MSH3: variants seen among roughly 807,000 people sequenced by gnomAD.
The protein encoded by MSH3 is DNA mismatch repair protein Msh3.
A neutral mutation model predicts 123.3 loss-of-function variants in MSH3; 106 were observed. The ratio of observed to expected loss-of-function variants is 0.86; its 90% CI spans 0.73 to 1.01. The LOEUF (loss-of-function observed/expected upper bound fraction) is 1.01. Ranked by LOEUF, MSH3 falls within the 50% of genes least tolerant of loss-of-function variation. The pLI, the probability that MSH3 is intolerant of heterozygous loss-of-function variation, is 0.00. For synonymous variants in MSH3, 515 were observed against 481.4 expected, an observed-to-expected ratio of 1.07 and a Z score of -0.91; for missense variants, 1,459 against 1,347.6, an observed-to-expected ratio of 1.08 and a Z score of -1.29.
chr5:80,810,992 G>A (rs1199539120), intron 19 of MSH3, among the ~76,000 whole-genome samples: 1 of 151,850 alleles, frequency 6.6e-6, no homozygotes, highest in Non-Finnish European at 1.5e-5. Context: ...TTGGATTTCA[G>A]AGCATTTTAG....
rs117296143 is a variant in MSH3, at chr5:80,823,208, T to G, written c.2813+9467T>G. 6.6e-5 allele frequency among the ~76,000 whole-genome samples: 10 copies of G among 152,332 alleles called. No homozygotes were observed. In the East Asian group the frequency reaches 1.9e-3, roughly 29 times the overall value. On this transcript the variant is annotated intron_variant, in intron 20 of 23. Transcript: ENST00000265081. ...TACCATGGGGGATATGGCTTTATGG[T>G]CATTTTTCTTTTACTTATGTAAATT...
At chr5:80,685,479 T>C (rs529783400) in intron 8 of MSH3, among the ~76,000 whole-genome samples, 1 of 152,220 alleles carries the variant, frequency 6.6e-6, no homozygotes, top group South Asian at 2.1e-4. Flanking sequence ...TAACCACTAA[T>C]GATCCTTTGA....
At chr5:80,804,840 T>A (rs1744860312) in intron 19 of MSH3, among the ~76,000 whole-genome samples, 1 of 151,976 alleles carries the variant, frequency 6.6e-6, no homozygotes, top group East Asian at 1.9e-4. Flanking sequence ...AAATCCAGCC[T>A]GAAGGGCTAT....
rs1031903758 is a variant in MSH3, at chr5:80,861,318, C to G, written c.3001-3495C>G. ...CTGGTAAGGGTCTAGGGGAGGAGTC[C>G]TATGATTAAGTCTCAGTCTTACCTC... On this transcript the variant is annotated intron_variant, in intron 21 of 23. Transcript: ENST00000265081. Among the ~76,000 whole-genome samples the G allele has an allele frequency of 2.6e-5, 4 of 152,184 alleles. No individual in the cohort carries two copies. In the South Asian group the frequency reaches 8.3e-4, roughly 32 times the overall value.
chr5:80,655,096 A>T, intron 1 of MSH3, 132 bp downstream of exon 1: 2 of 567,478 alleles, frequency 3.5e-6, no homozygotes, highest in South Asian at 5.2e-5. Context: ...GAAGAAGGGG[A>T]AGGTGGGAAG....
intron 8 of MSH3, among the ~76,000 whole-genome samples, chr5:80,716,431 T>TA (rs1750962079): frequency 1.3e-5 from 2 of 152,068 alleles, no homozygotes; most frequent in Admixed American, 6.5e-5. Context: ...CTGACAACTA[T>TA]CTTTTTTTTG....
chr5:80,708,454 A>G (rs533881475), intron 8 of MSH3, among the ~76,000 whole-genome samples: 2 of 148,032 alleles, frequency 1.4e-5, no homozygotes, highest in South Asian at 4.2e-4. Flanking sequence ...TTTAATTAAT[A>G]TTTATTTATT....
rs1561438094 is a variant in MSH3, at chr5:80,675,100, A to T, written c.1145A>T (p.Lys382Ile). Residue 382 changes from lysine (K) to isoleucine (I), a missense_variant, in exon 7 of 24, where the codon AAA (lysine) becomes ATA (isoleucine). Physicochemically the swap from Lys to Ile is moderately radical, Grantham distance 102 (BLOSUM62 -3). Coordinates refer to ENST00000265081, the MANE Select transcript of MSH3 (RefSeq NM_002439.5). ...SENKENVRDK[K>I]KGNIFIGIVG... ...AATAAGGAAAATGTTAGGGACAAAAAAAAGGGCAACATTTTTATTGGCATT... is the reference window on the plus strand; with the variant it reads ...AATAAGGAAAATGTTAGGGACAAAATAAAGGGCAACATTTTTATTGGCATT... 1 of 1,613,724 alleles carries T rather than the reference A, an allele frequency of 6.2e-7. No homozygotes were observed. The highest frequency in any genetic ancestry group is 8.5e-7 in the Non-Finnish European group (1 of 1,179,898).
chr5:80,836,894 A>G (rs1051908615), intron 20 of MSH3, among the ~76,000 whole-genome samples: 1 of 152,150 alleles, frequency 6.6e-6, no homozygotes, highest in African/African-American at 2.4e-5. Flanking sequence ...CTCTAAAAGG[A>G]TGAATTTTAT....
chr5:80,846,925 C>T (rs1231255152), intron 20 of MSH3, among the ~76,000 whole-genome samples: 1 of 152,182 alleles, frequency 6.6e-6, no homozygotes, highest in African/African-American at 2.4e-5. Flanking sequence ...GCTGCACCCA[C>T]TGTCCAACCA....
At chr5:80,826,215 G>C (rs1745296263) in intron 20 of MSH3, among the ~76,000 whole-genome samples, 1 of 152,182 alleles carries the variant, frequency 6.6e-6, no homozygotes, top group African/African-American at 2.4e-5. Context: ...CATTTTAAAA[G>C]CTCATGCTAA....
chr5:80,708,913 T>TA (rs1389393436), intron 8 of MSH3, among the ~76,000 whole-genome samples: 1 of 152,036 alleles, frequency 6.6e-6, no homozygotes. Flanking sequence ...TAGCTGGGAT[T>TA]ACAGGCGCCC....
rs747755654 is a variant in MSH3 at position 80,725,599 on chromosome 5, C to T, written c.1453+34C>T. 2.8e-6 allele frequency: 4 copies of T among 1,429,756 alleles called. No homozygotes were observed. The South Asian group carries it at 4.6e-5, about 16-fold the overall frequency. 88.6% of individuals were successfully genotyped at this position (1,429,756 alleles called of 1,614,324 possible). ...TTTCCCTGTATGTCCTCAAGTTGAA[C>T]TGATTTGAAATTTGGATAAAGGTAT... On this transcript the variant is annotated intron_variant, in intron 9 of 23. Coordinates refer to ENST00000265081, the MANE Select transcript of MSH3 (RefSeq NM_002439.5).
intron 3 of MSH3, among the ~76,000 whole-genome samples, chr5:80,667,945 G>C (rs1050982876): frequency 8.5e-5 from 13 of 152,204 alleles, no homozygotes; most frequent in Non-Finnish European, 1.6e-4. Flanking sequence ...CTGCCATTCG[G>C]TGGGTCCCAG....
At chr5:80,730,259 A>G (rs1200443196) in intron 10 of MSH3, among the ~76,000 whole-genome samples, 2 of 152,218 alleles carry the variant, frequency 1.3e-5, no homozygotes, top group African/African-American at 2.4e-5. Context: ...AGCCAAAAAT[A>G]AAGTTGCTGA....
intron 11 of MSH3, 111 bp from the exon 12 acceptor site, chr5:80,744,395 T>C (rs1371138985): frequency 2.7e-6 from 2 of 745,472 alleles, no homozygotes; most frequent in African/African-American, 1.7e-5. Context: ...ACACCTGTTA[T>C]GAGCCACATT....
chr5:80,680,088 A>G (rs894617608), intron 8 of MSH3, among the ~76,000 whole-genome samples: 2 of 151,522 alleles, frequency 1.3e-5, no homozygotes, highest in Non-Finnish European at 2.9e-5. Context: ...CCCCGTTTCT[A>G]CTAAAAAAAA....
At chr5:80,867,793 G>A (rs1002541464) in intron 22 of MSH3, among the ~76,000 whole-genome samples, 8 of 152,222 alleles carry the variant, frequency 5.3e-5, no homozygotes, top group Admixed American at 1.3e-4. Context: ...TCTTATAAAT[G>A]TAAGTTCCTT....
At chr5:80,691,466 C>T (rs2112828481) in intron 8 of MSH3, among the ~76,000 whole-genome samples, 1 of 150,232 alleles carries the variant, frequency 6.7e-6, no homozygotes, top group African/African-American at 2.4e-5. Flanking sequence ...AGATGCAACA[C>T]GTTCATGAAT....
Sources: gnomAD v4.1 joint callset for allele counts (sites outside exome capture counted in the v4.1 genomes callset) on GRCh38, gnomAD v4.1.1 for gene constraint, MANE v1.5 for transcripts, NCBI Gene and HGNC (gene_info 2026-07-23, HGNC 2026-07-21) for gene names.